Variants in OLA1 observed in about 807,000 individuals in gnomAD.
OLA1 encodes Obg like ATPase 1.
OLA1 carries 14 observed loss-of-function variants against 48.4 expected under a neutral mutation model. That is an observed-to-expected ratio of 0.29 (90% CI 0.19 to 0.45). The LOEUF (loss-of-function observed/expected upper bound fraction) is 0.45, where lower values mean the gene tolerates loss of function less well. Ranked by LOEUF, OLA1 falls within the 20% of genes least tolerant of loss-of-function variation. OLA1 has a pLI of 1.00. For missense variants in OLA1, 325 were observed against 467.1 expected, an observed-to-expected ratio of 0.70 and a Z score of 2.80; for synonymous variants, 127 against 150.4, an observed-to-expected ratio of 0.84 and a Z score of 1.14.
intron 4 of OLA1, among the ~76,000 whole-genome samples, chr2:174,198,520 C>T (rs1024786351): frequency 6.6e-6 from 1 of 152,160 alleles, no homozygotes; most frequent in Admixed American, 6.5e-5. Context: ...TAGCTCATGC[C>T]TGTAATCCTA....
intron 5 of OLA1, among the ~76,000 whole-genome samples, chr2:174,133,667 T>C (rs920881867): frequency 6.6e-6 from 1 of 152,202 alleles, no homozygotes; most frequent in Non-Finnish European, 1.5e-5. Context: ...TTTCAACTTA[T>C]GGTGTAACCC....
In OLA1 at chr2:174,101,277, G is replaced by C. The variant is rs1685391510; in HGVS notation, c.729-19213C>G. On this transcript the variant is annotated intron_variant, in intron 7 of 10. Transcript: ENST00000284719. ...CTTTCCATGATCGCTTAAAGATGCT[G>C]AGTACTTTTCCATGTTTATTCATTT... Among the ~76,000 whole-genome samples, 3 of 152,146 alleles carry C rather than the reference G, an allele frequency of 2.0e-5. No individual in the cohort carries two copies. In the South Asian group the frequency reaches 6.2e-4, roughly 31 times the overall value.
At chr2:174,107,553 C>T (rs187817563) in intron 7 of OLA1, among the ~76,000 whole-genome samples, 185 of 152,194 alleles carry the variant, frequency 1.2e-3, no homozygotes, top group African/African-American at 4.4e-3. Flanking sequence ...AAAGCAAAGA[C>T]AGTATCCTAA....
chr2:174,087,304 G>A (rs1685004458), intron 7 of OLA1, among the ~76,000 whole-genome samples: 1 of 151,998 alleles, frequency 6.6e-6, no homozygotes, highest in South Asian at 2.1e-4. Context: ...GGGATTGCAG[G>A]CGTGAGCCAC....
intron 7 of OLA1, among the ~76,000 whole-genome samples, chr2:174,090,977 C>T (rs1417488892): frequency 1.3e-5 from 2 of 152,162 alleles, no homozygotes; most frequent in Non-Finnish European, 2.9e-5. Flanking sequence ...TATAATATTG[C>T]CCATAGTTTT....
At chr2:174,090,334 A>G (rs1457535095) in intron 7 of OLA1, among the ~76,000 whole-genome samples, 7 of 152,224 alleles carry the variant, frequency 4.6e-5, no homozygotes, top group Non-Finnish European at 7.3e-5. Context: ...AGGCAACCTT[A>G]AAAGCAAATT....
chr2:174,109,288 C>G (rs1221384331), intron 7 of OLA1, among the ~76,000 whole-genome samples: 1 of 152,100 alleles, frequency 6.6e-6, no homozygotes, highest in Non-Finnish European at 1.5e-5. Context: ...ACTTCCCAGT[C>G]TACCCCACTG....
intron 10 of OLA1, among the ~76,000 whole-genome samples, chr2:174,075,999 AGTT>A (rs1030269774): frequency 6.6e-6 from 1 of 152,232 alleles, no homozygotes; most frequent in Non-Finnish European, 1.5e-5. Flanking sequence ...AATTATGATC[AGTT>A]GTTGTGTAAG....
intron 4 of OLA1, among the ~76,000 whole-genome samples, chr2:174,164,733 T>G (rs1198054424): frequency 6.6e-6 from 1 of 152,200 alleles, no homozygotes; most frequent in African/African-American, 2.4e-5. Context: ...CAGGCATTTA[T>G]CTATACTCTC....
At chr2:174,171,342 T>C (rs1218526674) in intron 4 of OLA1, among the ~76,000 whole-genome samples, 1 of 152,232 alleles carries the variant, frequency 6.6e-6, no homozygotes, top group African/African-American at 2.4e-5. Context: ...CAAGAGCATG[T>C]AGTTCATTTG....
At chr2:174,215,041 C>A (rs1574556504) in intron 4 of OLA1, among the ~76,000 whole-genome samples, 1 of 146,994 alleles carries the variant, frequency 6.8e-6, no homozygotes, top group Middle Eastern at 3.5e-3. Flanking sequence ...CAGAGTGAGA[C>A]TATCTCAAAA....
At chr2:174,220,028 A>G (rs944555372) in intron 4 of OLA1, among the ~76,000 whole-genome samples, 1 of 152,050 alleles carries the variant, frequency 6.6e-6, no homozygotes, top group Non-Finnish European at 1.5e-5. Context: ...GGTATTGGAG[A>G]GGTTGAGGCA....
intron 7 of OLA1, among the ~76,000 whole-genome samples, chr2:174,121,719 G>A (rs1685918680): frequency 6.6e-6 from 1 of 152,174 alleles, no homozygotes; most frequent in South Asian, 2.1e-4. Context: ...AAAACATGGG[G>A]TGTCTGGCGA....
At chr2:174,090,521 A>G (rs1272496994) in intron 7 of OLA1, among the ~76,000 whole-genome samples, 5 of 152,194 alleles carry the variant, frequency 3.3e-5, no homozygotes, top group Non-Finnish European at 5.9e-5. Flanking sequence ...AAAGGAGCCA[A>G]TGGAGTTTGT....
chr2:174,084,128 G>A (rs995044633), intron 7 of OLA1, among the ~76,000 whole-genome samples: 6 of 152,094 alleles, frequency 3.9e-5, no homozygotes, highest in African/African-American at 1.4e-4. Context: ...AACTATAATT[G>A]GCAAAAAACC....
intron 3 of OLA1, among the ~76,000 whole-genome samples, chr2:174,225,082 T>G (rs1688586518): frequency 6.6e-6 from 1 of 152,032 alleles, no homozygotes; most frequent in African/African-American, 2.4e-5. Flanking sequence ...GGTCACGGGG[T>G]GGATCCCTCA....
At position 174,149,796 on chromosome 2, in the gene OLA1, T is replaced by C. The variant is rs187825822; in HGVS notation, c.374-7796A>G. Among the ~76,000 whole-genome samples, 7 of 152,316 alleles carry C rather than the reference T, an allele frequency of 4.6e-5. No individual in the cohort carries two copies. The East Asian group carries it at 1.3e-3, about 29-fold the overall frequency. ...AGTTTGCTCATTCACTCAAGGCCTG[T>C]TCTTACTCCATAAAGATGTGAGTAA... On this transcript the variant is annotated intron_variant, in intron 4 of 10. Transcript: ENST00000284719.
At chr2:174,082,943 G>T (rs1684890217) in intron 7 of OLA1, among the ~76,000 whole-genome samples, 2 of 152,026 alleles carry the variant, frequency 1.3e-5, no homozygotes, top group South Asian at 4.2e-4. Flanking sequence ...ACGTTTCTAA[G>T]CCTCAGTTTC....
At chr2:174,099,514 T>C (rs1304249989) in intron 7 of OLA1, among the ~76,000 whole-genome samples, 1 of 152,178 alleles carries the variant, frequency 6.6e-6, no homozygotes, top group Non-Finnish European at 1.5e-5. Context: ...AACTATTTGT[T>C]ACTTGGCCCT....
Sources: gnomAD v4.1 joint callset for allele counts (sites outside exome capture counted in the v4.1 genomes callset) on GRCh38, gnomAD v4.1.1 for gene constraint, MANE v1.5 for transcripts, NCBI Gene and HGNC (gene_info 2026-07-23, HGNC 2026-07-21) for gene names.